RANBP2: variants seen among roughly 807,000 people sequenced by gnomAD.
RANBP2 encodes RAN binding protein 2, also known as E3 SUMO-protein ligase RanBP2.
In RANBP2, 57 loss-of-function variants were observed where a neutral mutation model predicts 303.6. The ratio of observed to expected loss-of-function variants is 0.19; its 90% CI spans 0.15 to 0.23. The LOEUF is 0.23. Ranked by LOEUF, RANBP2 falls within the 10% of genes least tolerant of loss-of-function variation. The pLI is 1.00. For synonymous variants in RANBP2, 1,167 were observed against 1,301.5 expected (o/e 0.90, Z 2.23); for missense variants, 3,138 against 3,780.8 (o/e 0.83, Z 4.46).
chr2:108,874,572 C>T, the RANBP2 span, among the ~76,000 whole-genome samples: 4 of 152,044 alleles, frequency 2.6e-5, no homozygotes, highest in Admixed American at 6.5e-5. Context: ...CCATGATTCC[C>T]GTGGTAGAGA....
the RANBP2 span, among the ~76,000 whole-genome samples, chr2:109,166,096 G>A: frequency 6.6e-6 from 1 of 152,158 alleles, no homozygotes; most frequent in South Asian, 2.1e-4. Context: ...AGACTGGTGG[G>A]GGCAGAGCTT....
At chr2:108,782,927 T>A in intron 28 of RANBP2, 65 bp downstream of exon 28, 1 of 1,419,096 alleles carries the variant, frequency 7.0e-7, no homozygotes, top group Non-Finnish European at 9.8e-7. Flanking sequence ...AATGGGAAAT[T>A]TGAGTGTTTT....
the RANBP2 span, among the ~76,000 whole-genome samples, chr2:109,523,776 G>A: frequency 6.6e-6 from 1 of 152,148 alleles, no homozygotes; most frequent in African/African-American, 2.4e-5. Context: ...GCAAAGCTGG[G>A]GAGCATCCCT....
chr2:109,295,430 C>A, the RANBP2 span, among the ~76,000 whole-genome samples: 2 of 152,192 alleles, frequency 1.3e-5, no homozygotes, highest in South Asian at 4.1e-4. Context: ...GAACTCAGGG[C>A]GGGAGCCGAG....
the RANBP2 span, chr2:108,910,813 G>C: frequency 2.5e-6 from 4 of 1,613,708 alleles, no homozygotes; most frequent in Non-Finnish European, 3.4e-6. Flanking sequence ...TGCTCACTTG[G>C]GCCTCCACGC....
At chr2:108,789,052 T>C, downstream of RANBP2, 4 of 1,457,578 alleles carry the variant, frequency 2.7e-6, no homozygotes, top group Non-Finnish European at 2.9e-6. Context: ...ATATTTTTGC[T>C]CTTTCCTGAG....
chr2:109,438,967 C>A, the RANBP2 span, among the ~76,000 whole-genome samples: 1 of 152,120 alleles, frequency 6.6e-6, no homozygotes, highest in Non-Finnish European at 1.5e-5. Context: ...GGTGAGTGGC[C>A]CCACTCATCA....
chr2:108,742,204 C>G (rs1362666410), intron 7 of RANBP2, among the ~76,000 whole-genome samples: 3 of 152,082 alleles, frequency 2.0e-5, no homozygotes, highest in Non-Finnish European at 2.9e-5. Flanking sequence ...CCATGTTGGT[C>G]AGGCTGATCT....
chr2:109,610,716 C>CA, the RANBP2 span, among the ~76,000 whole-genome samples: 8 of 147,952 alleles, frequency 5.4e-5, no homozygotes, highest in South Asian at 2.1e-4. Context: ...ATTCCGTCTT[C>CA]AAAAAAAAAG....
At chr2:109,653,741 C>T in the RANBP2 span, among the ~76,000 whole-genome samples, 1 of 152,130 alleles carries the variant, frequency 6.6e-6, no homozygotes, top group Non-Finnish European at 1.5e-5. Context: ...CCTTCCTTGA[C>T]AATATGCCAG....
intron 24 of RANBP2, among the ~76,000 whole-genome samples, chr2:108,776,291 T>G (rs1172715455): frequency 6.6e-6 from 1 of 152,176 alleles, no homozygotes; most frequent in Non-Finnish European, 1.5e-5. Flanking sequence ...TTCAAAGTGT[T>G]TTAATTATGA....
chr2:109,492,111 G>A, the RANBP2 span, among the ~76,000 whole-genome samples: 2 of 152,276 alleles, frequency 1.3e-5, no homozygotes, highest in East Asian at 3.9e-4. Context: ...TGGAAGCGTG[G>A]CCACACACTG....
chr2:108,811,478 A>G, the RANBP2 span, among the ~76,000 whole-genome samples: 2 of 151,954 alleles, frequency 1.3e-5, no homozygotes, highest in Admixed American at 1.3e-4. Context: ...ACTGGGCTCA[A>G]GTGATCCTCC....
the RANBP2 span, chr2:108,897,294 A>C: frequency 7.1e-7 from 1 of 1,400,306 alleles, no homozygotes; most frequent in Non-Finnish European, 9.9e-7. Context: ...CAACACTGAA[A>C]AATTATTTAA....
chr2:108,721,139 T>C (rs549718016), intron 1 of RANBP2, among the ~76,000 whole-genome samples: 1 of 152,308 alleles, frequency 6.6e-6, no homozygotes, highest in East Asian at 1.9e-4. Context: ...TAACTAAGCA[T>C]AGGTTATCTT....
At chr2:109,172,779 G>A in the RANBP2 span, among the ~76,000 whole-genome samples, 1 of 152,258 alleles carries the variant, frequency 6.6e-6, no homozygotes, top group African/African-American at 2.4e-5. Flanking sequence ...CAAACTGCAT[G>A]TGGGTTACGG....
At position 108,731,386 on chromosome 2, in the gene RANBP2, A is replaced by G; in HGVS notation, c.317A>G (p.Lys106Arg). The change falls in exon 4 of 29, where the codon AAA becomes AGA. Residue 106 changes from lysine (K) to arginine (R), a missense_variant. By Grantham distance (26) the Lys-to-Arg change is conservative. Transcript: ENST00000283195. ...TTGAAGATTGCAGAATTGCTTTGTA[A>G]AAATGATGTTACTGATGGAAGAGCA... ...LVLKIAELLC[K>R]NDVTDGRAKY... 1 of 1,611,604 alleles carries G rather than the reference A, an allele frequency of 6.2e-7. No homozygotes were observed.
chr2:109,418,033 A>G, the RANBP2 span, among the ~76,000 whole-genome samples: 1 of 151,988 alleles, frequency 6.6e-6, no homozygotes, highest in Non-Finnish European at 1.5e-5. Context: ...CTCTGCTTGT[A>G]GTGCCTTTCG....
chr2:108,799,098 G>A, the RANBP2 span, among the ~76,000 whole-genome samples: 2 of 152,080 alleles, frequency 1.3e-5, no homozygotes, highest in African/African-American at 2.4e-5. Context: ...AGATTCATGC[G>A]TTATATTTGG....
Sources: gnomAD v4.1 joint callset for allele counts (sites outside exome capture counted in the v4.1 genomes callset) on GRCh38, gnomAD v4.1.1 for gene constraint, MANE v1.5 for transcripts, NCBI Gene and HGNC (gene_info 2026-07-23, HGNC 2026-07-21) for gene names.